Variants in RBFOX1 observed in about 807,000 individuals in gnomAD.
RBFOX1 encodes RNA binding protein fox-1 homolog 1.
Under a neutral mutation model 57.7 loss-of-function variants are expected in RBFOX1, and 8 were observed. That is an observed-to-expected ratio of 0.14 (90% CI 0.08 to 0.25). The LOEUF (loss-of-function observed/expected upper bound fraction) is 0.25, where lower values mean the gene tolerates loss of function less well. RBFOX1 is among the 10% of genes least tolerant of loss of function. The pLI is 1.00. For synonymous variants in RBFOX1, 326 were observed against 222.4 expected (o/e 1.47, Z -4.15); for missense variants, 611 against 548.5 (o/e 1.11, Z -1.14).
At chr16:6,532,500 A>C (rs2096672655) in intron 2 of RBFOX1, among the ~76,000 whole-genome samples, 1 of 152,104 alleles carries the variant, frequency 6.6e-6, no homozygotes, top group Admixed American at 6.5e-5. Context: ...TTTATTAAAC[A>C]TTGTTTCTAT....
At chr16:7,156,707 A>T (rs1330745459) in intron 4 of RBFOX1, among the ~76,000 whole-genome samples, 1 of 152,134 alleles carries the variant, frequency 6.6e-6, no homozygotes, top group East Asian at 1.9e-4. Context: ...TATGAGTGAG[A>T]CATTTAATGG....
chr16:7,647,786 C>A (rs1223779654), intron 11 of RBFOX1, among the ~76,000 whole-genome samples: 1 of 152,088 alleles, frequency 6.6e-6, no homozygotes, highest in African/African-American at 2.4e-5. Flanking sequence ...ATTCATTGCC[C>A]ACTTACTGGA....
chr16:6,539,151 G>T (rs959001610), intron 2 of RBFOX1, among the ~76,000 whole-genome samples: 1 of 151,726 alleles, frequency 6.6e-6, no homozygotes, highest in Admixed American at 6.6e-5. Flanking sequence ...TTTGCCCATG[G>T]TATGACTGTT....
intron 3 of RBFOX1, among the ~76,000 whole-genome samples, chr16:7,000,697 C>T (rs1329581469): frequency 2.3e-4 from 33 of 143,888 alleles, no homozygotes; most frequent in Admixed American, 6.6e-4. Context: ...CTCTGCCTAC[C>T]GGGTTCATGC....
At chr16:6,855,813 T>C (rs1425386237) in intron 3 of RBFOX1, among the ~76,000 whole-genome samples, 1 of 96,212 alleles carries the variant, frequency 1.0e-5, no homozygotes, top group East Asian at 3.5e-4. Flanking sequence ...CTTCTTCCCT[T>C]CCTTCCTCCT....
chr16:6,338,624 A>C (rs1034164516), intron 2 of RBFOX1, among the ~76,000 whole-genome samples: 1 of 152,216 alleles, frequency 6.6e-6, no homozygotes, highest in Non-Finnish European at 1.5e-5. Flanking sequence ...GAGTACTTTA[A>C]AGGTTAGAAA....
chr16:7,111,169 A>G (rs943005472), intron 4 of RBFOX1, among the ~76,000 whole-genome samples: 11 of 152,218 alleles, frequency 7.2e-5, no homozygotes, highest in Admixed American at 3.3e-4. Flanking sequence ...AGAAGCAAAA[A>G]GAATATTCTG....
At chr16:7,663,202 T>C (rs894610876) in intron 12 of RBFOX1, among the ~76,000 whole-genome samples, 6 of 152,194 alleles carry the variant, frequency 3.9e-5, no homozygotes, top group Admixed American at 3.3e-4. Flanking sequence ...CGACATTCTC[T>C]ATGTTGGAAA....
chr16:5,370,935 A>G (rs1056391609), intron 1 of RBFOX1, among the ~76,000 whole-genome samples: 1 of 152,138 alleles, frequency 6.6e-6, no homozygotes, highest in African/African-American at 2.4e-5. Flanking sequence ...CACATGTTGA[A>G]TCCCTAACCC....
intron 3 of RBFOX1, among the ~76,000 whole-genome samples, chr16:6,831,990 C>T (rs186129750): frequency 2.6e-5 from 4 of 152,238 alleles, no homozygotes; most frequent in Admixed American, 6.5e-5. Context: ...GGGAATATAC[C>T]GAATGGTATC....
chr16:6,186,110 T>C (rs2097103547), intron 1 of RBFOX1, among the ~76,000 whole-genome samples: 1 of 152,212 alleles, frequency 6.6e-6, no homozygotes, highest in Non-Finnish European at 1.5e-5. Flanking sequence ...ATTATATCTG[T>C]ATATGAATTC....
intron 4 of RBFOX1, among the ~76,000 whole-genome samples, chr16:7,403,894 T>C (rs2098287306): frequency 6.6e-6 from 1 of 150,568 alleles, no homozygotes. Context: ...TACATAAATT[T>C]TAATTAAATA....
intron 2 of RBFOX1, among the ~76,000 whole-genome samples, chr16:6,626,099 G>T (rs760121348): frequency 4.6e-4 from 69 of 149,414 alleles, no homozygotes; most frequent in Admixed American, 9.3e-4. Context: ...GCGTCTCTTA[G>T]TTTTGTACCA....
chr16:5,901,772 C>T (rs1253877655), intron 4 of RBFOX1, among the ~76,000 whole-genome samples: 2 of 152,166 alleles, frequency 1.3e-5, no homozygotes, highest in Admixed American at 1.3e-4. Context: ...ACACATTACC[C>T]AAATTGAGCT....
At chr16:7,201,812 C>T (rs867933593) in intron 4 of RBFOX1, among the ~76,000 whole-genome samples, 29 of 152,038 alleles carry the variant, frequency 1.9e-4, no homozygotes, top group African/African-American at 2.2e-4. Context: ...AGAATGGGCA[C>T]GGCAAGCGTG....
intron 4 of RBFOX1, among the ~76,000 whole-genome samples, chr16:7,327,794 C>A (rs1022279491): frequency 7.0e-6 from 1 of 142,550 alleles, no homozygotes; most frequent in Non-Finnish European, 1.5e-5. Flanking sequence ...TATGAGATGC[C>A]CCCATTAAAC....
At chr16:5,320,331 G>A (rs1281596401) in intron 1 of RBFOX1, among the ~76,000 whole-genome samples, 1 of 152,182 alleles carries the variant, frequency 6.6e-6, no homozygotes, top group East Asian at 1.9e-4. Context: ...GTGCAGAGTT[G>A]GGAAGTACAT....
At chr16:6,264,906 G>C (rs2097723848) in intron 1 of RBFOX1, among the ~76,000 whole-genome samples, 1 of 152,182 alleles carries the variant, frequency 6.6e-6, no homozygotes, top group Admixed American at 6.5e-5. Context: ...TGTGCAGTGA[G>C]CATTGGTTGA....
chr16:7,316,458 A>G (rs1568176227), intron 4 of RBFOX1, among the ~76,000 whole-genome samples: 1 of 152,174 alleles, frequency 6.6e-6, no homozygotes, highest in Non-Finnish European at 1.5e-5. Flanking sequence ...AATGGTTAAT[A>G]ATTAATTTAC....
Sources: allele counts gnomAD v4.1 joint callset (sites outside exome capture counted in the v4.1 genomes callset), GRCh38; gene constraint gnomAD v4.1.1; transcripts MANE v1.5; gene names NCBI Gene and HGNC (gene_info 2026-07-23, HGNC 2026-07-21).